The following TASP1 variants were observed in gnomAD, a reference collection of about 807,000 sequenced individuals.
TASP1 encodes threonine aspartase 1.
Under a neutral mutation model 56.6 loss-of-function variants are expected in TASP1, and 16 were observed. The observed-to-expected ratio is 0.28, with a 90% CI of 0.19 to 0.43. The LOEUF is 0.43. Ranked by LOEUF, TASP1 falls within the 20% of genes least tolerant of loss-of-function variation. TASP1 has a pLI of 1.00. For missense variants in TASP1, 393 were observed against 511.6 expected, an observed-to-expected ratio of 0.77 and a Z score of 2.24; for synonymous variants, 179 against 184.2, an observed-to-expected ratio of 0.97 and a Z score of 0.23.
At chr20:13,343,680 C>T in the TASP1 span, among the ~76,000 whole-genome samples, 1 of 151,666 alleles carries the variant, frequency 6.6e-6, no homozygotes, top group Admixed American at 6.6e-5. Flanking sequence ...GTGGAGCTCC[C>T]CCTCGGGACT....
intron 6 of TASP1, among the ~76,000 whole-genome samples, chr20:13,571,429 G>C (rs2147146658): frequency 6.6e-6 from 1 of 152,298 alleles, no homozygotes; most frequent in East Asian, 1.9e-4. Context: ...TCTCCGAGGA[G>C]GAAACTTTTA....
At chr20:13,143,438 A>T in the TASP1 span, among the ~76,000 whole-genome samples, 1 of 152,168 alleles carries the variant, frequency 6.6e-6, no homozygotes, top group Non-Finnish European at 1.5e-5. Flanking sequence ...TGCAGTGGGC[A>T]TTATTATTAT....
At chr20:13,433,540 AAT>A (rs2042890884) in intron 12 of TASP1, among the ~76,000 whole-genome samples, 1 of 151,344 alleles carries the variant, frequency 6.6e-6, no homozygotes, top group African/African-American at 2.4e-5. Flanking sequence ...AAAAAAAAAA[AAT>A]ACAGCTGGTG....
At chr20:13,588,336 G>GGAAA (rs1177131776) in intron 4 of TASP1, among the ~76,000 whole-genome samples, 2 of 151,032 alleles carry the variant, frequency 1.3e-5, no homozygotes, top group Non-Finnish European at 1.5e-5. Context: ...AAGGAAGGAA[G>GGAAA]GAAGGAAGGA....
the TASP1 span, among the ~76,000 whole-genome samples, chr20:13,234,775 G>C: frequency 1.3e-5 from 2 of 152,112 alleles, no homozygotes; most frequent in Admixed American, 6.5e-5. Context: ...GCCTGTTCAT[G>C]TCCTTTGTCG....
chr20:13,184,503 T>C, the TASP1 span, among the ~76,000 whole-genome samples: 2 of 152,330 alleles, frequency 1.3e-5, no homozygotes, highest in Non-Finnish European at 2.9e-5. Context: ...TAAGACCTGA[T>C]TAAAACCTTT....
the TASP1 span, among the ~76,000 whole-genome samples, chr20:13,109,874 C>T: frequency 6.6e-6 from 1 of 152,122 alleles, no homozygotes. Flanking sequence ...GGAAACCATG[C>T]CCCACTGGTG....
At chr20:13,629,403 A>C (rs960310802) in intron 2 of TASP1, among the ~76,000 whole-genome samples, 36 of 151,528 alleles carry the variant, frequency 2.4e-4, no homozygotes, top group African/African-American at 8.5e-4. Flanking sequence ...CAGCTCAAAG[A>C]TTGTGTAATA....
At chr20:13,242,143 G>A in the TASP1 span, among the ~76,000 whole-genome samples, 1 of 152,142 alleles carries the variant, frequency 6.6e-6, no homozygotes, top group Admixed American at 6.5e-5. Context: ...GGAAGAGGGT[G>A]GTTGAGATGC....
At chr20:13,435,573 A>G (rs1227204168) in intron 11 of TASP1, among the ~76,000 whole-genome samples, 1 of 152,210 alleles carries the variant, frequency 6.6e-6, no homozygotes, top group East Asian at 1.9e-4. Flanking sequence ...CTTAAATGCA[A>G]TTTGAAACAA....
chr20:13,121,969 C>A, the TASP1 span, among the ~76,000 whole-genome samples: 9 of 152,176 alleles, frequency 5.9e-5, no homozygotes, highest in Non-Finnish European at 1.2e-4. Context: ...TTGGGAAGAG[C>A]CCTTTTCAAG....
intron 4 of TASP1, among the ~76,000 whole-genome samples, chr20:13,593,255 A>T (rs1488301557): frequency 6.6e-6 from 1 of 152,220 alleles, no homozygotes; most frequent in East Asian, 1.9e-4. Flanking sequence ...ATGGCCAAAT[A>T]GGAACAGCTC....
rs909002065 is a variant in TASP1 at position 13,486,975 on chromosome 20, T to C, written c.875-3638A>G. On this transcript the variant is annotated intron_variant, in intron 10 of 13. Coordinates refer to ENST00000337743, the MANE Select transcript of TASP1 (RefSeq NM_017714.3). ...CTTCTCTTCAACAATGTACTGGAGA[T>C]TTCAGCCATTGTAATAAGGCAAGGG... is the stretch of plus-strand genomic sequence containing the variant. Among the ~76,000 whole-genome samples, 137 of 152,212 alleles carry C rather than the reference T, an allele frequency of 9.0e-4. 1 individual carries two copies. The highest frequency in any genetic ancestry group is 3.2e-3 in the African/African-American group (132 of 41,530).
At chr20:13,118,991 TG>T in the TASP1 span, among the ~76,000 whole-genome samples, 1 of 152,242 alleles carries the variant, frequency 6.6e-6, no homozygotes, top group African/African-American at 2.4e-5. Context: ...CACTGGCCTG[TG>T]GGAATCAGCT....
intron 7 of TASP1, among the ~76,000 whole-genome samples, chr20:13,562,894 T>C (rs2147094517): frequency 7.1e-6 from 1 of 140,210 alleles, no homozygotes; most frequent in East Asian, 2.1e-4. Flanking sequence ...AAAAAAATTA[T>C]ATCTCTATAT....
chr20:13,521,099 GT>G (rs1361284435), intron 10 of TASP1, among the ~76,000 whole-genome samples: 11 of 152,300 alleles, frequency 7.2e-5, no homozygotes, highest in Non-Finnish European at 1.5e-4. Flanking sequence ...AGTTAGAATG[GT>G]GATCATTAAA....
chr20:13,452,342 T>C (rs2043651977), intron 11 of TASP1, among the ~76,000 whole-genome samples: 1 of 151,540 alleles, frequency 6.6e-6, no homozygotes, highest in Admixed American at 6.6e-5. Flanking sequence ...CCATTCTTAG[T>C]GAACTCGCTG....
At chr20:13,333,402 T>G in the TASP1 span, among the ~76,000 whole-genome samples, 3 of 152,146 alleles carry the variant, frequency 2.0e-5, no homozygotes, top group Admixed American at 2.0e-4. Flanking sequence ...TAAAGGCACC[T>G]TAGAAATTGC....
the TASP1 span, among the ~76,000 whole-genome samples, chr20:13,213,341 A>G: frequency 6.6e-6 from 1 of 152,194 alleles, no homozygotes; most frequent in East Asian, 1.9e-4. Flanking sequence ...ACTAAAAACA[A>G]TTTTCATTAA....
Sources: gnomAD v4.1 joint callset for allele counts (sites outside exome capture counted in the v4.1 genomes callset) on GRCh38, gnomAD v4.1.1 for gene constraint, MANE v1.5 for transcripts, NCBI Gene and HGNC (gene_info 2026-07-23, HGNC 2026-07-21) for gene names.